Variants in ANK2 observed in about 807,000 individuals in gnomAD.
The protein encoded by ANK2 is ankyrin-2.
Under a neutral mutation model 360.5 loss-of-function variants are expected in ANK2, and 83 were observed. The observed-to-expected ratio is 0.23, with a 90% CI of 0.19 to 0.28. The LOEUF (loss-of-function observed/expected upper bound fraction) is 0.28. ANK2 is among the 10% of genes least tolerant of loss of function. The pLI, the probability that ANK2 is intolerant of heterozygous loss-of-function variation, is 1.00. For missense variants in ANK2, 4,201 were observed against 4,795.7 expected (o/e 0.88, Z 3.66); for synonymous variants, 1,740 against 1,759.5 (o/e 0.99, Z 0.28).
chr4:112,754,874 A>G, the ANK2 span, among the ~76,000 whole-genome samples: 1 of 152,330 alleles, frequency 6.6e-6, no homozygotes, highest in South Asian at 2.1e-4. Flanking sequence ...CTAACCTAGT[A>G]ACGGTGGTCA....
intron 2 of ANK2, among the ~76,000 whole-genome samples, chr4:112,910,606 A>AT (rs2086800474): frequency 6.6e-6 from 1 of 152,154 alleles, no homozygotes; most frequent in Non-Finnish European, 1.5e-5. Context: ...CACCCAGCTT[A>AT]TTTTTTTGGC....
In ANK2 at chr4:113,134,281, C is replaced by CTT. The variant is rs5861124; in HGVS notation, c.85-40112_85-40111dup. On this transcript the variant is annotated intron_variant, in intron 1 of 45. Transcript: ENST00000357077. Reference sequence around the variant, plus strand: ...AGCTCTAAAATTTCCTGAAAGTTGTCTTTTTTTTTTTTTTTTTTTTTTTTC... The same window carrying CTT: ...AGCTCTAAAATTTCCTGAAAGTTGTCTTTTTTTTTTTTTTTTTTTTTTTTTTC... Among the ~76,000 whole-genome samples, 93 of 86,052 alleles carry CTT rather than the reference C, an allele frequency of 1.1e-3. 1 individual carries two copies. Among genetic ancestry groups the CTT allele is most frequent in the African/African-American group, 1.9e-3 (42 of 22,190 alleles). The allele number at this position is 86,052 out of a possible 152,430, so 56.5% of individuals were successfully genotyped here. A position where few individuals can be genotyped will look rare whatever the true frequency, so the allele number is the denominator to read the frequency against.
At chr4:112,923,016 T>TTCAAGG (rs2091887121) in intron 2 of ANK2, among the ~76,000 whole-genome samples, 18 of 152,200 alleles carry the variant, frequency 1.2e-4, no homozygotes, top group Admixed American at 1.2e-3. Context: ...GAATTTATTA[T>TTCAAGG]TAGACGTGTA....
the ANK2 span, among the ~76,000 whole-genome samples, chr4:112,791,843 A>C: frequency 1.3e-5 from 2 of 151,954 alleles, no homozygotes; most frequent in African/African-American, 2.4e-5. Flanking sequence ...AGAAGTAAAA[A>C]TATTAAAATC....
rs117835046 is a variant in ANK2 at position 113,323,169 on chromosome 4, A to G, written c.2900+4549A>G. Among the ~76,000 whole-genome samples the G allele has an allele frequency of 2.4e-3, 370 of 152,234 alleles. 6 individuals are homozygous for G. The highest frequency in any genetic ancestry group is 0.02 in the East Asian group (103 of 5,166). Reference sequence around the variant, plus strand: ...ATTATGACCACTGAGGAAGACAGCAATCTCCAAAGCAGGAAATGAAGTATT... The same window carrying G: ...ATTATGACCACTGAGGAAGACAGCAGTCTCCAAAGCAGGAAATGAAGTATT... On this transcript the variant is annotated intron_variant, in intron 26 of 45. Coordinates refer to ENST00000357077, the MANE Select transcript of ANK2 (RefSeq NM_001148.6).
intron 1 of ANK2, among the ~76,000 whole-genome samples, chr4:113,053,452 G>A (rs1452021755): frequency 6.6e-6 from 1 of 152,156 alleles, no homozygotes; most frequent in African/African-American, 2.4e-5. Flanking sequence ...ATGTTCTAGT[G>A]GTGGTTCAGT....
intron 1 of ANK2, among the ~76,000 whole-genome samples, chr4:113,142,072 C>T (rs1471982473): frequency 1.3e-5 from 2 of 152,174 alleles, no homozygotes; most frequent in African/African-American, 2.4e-5. Context: ...GCCCTAATGA[C>T]TTTGAAGCAT....
chr4:112,942,584 C>G (rs1362499559), intron 2 of ANK2, among the ~76,000 whole-genome samples: 2 of 151,218 alleles, frequency 1.3e-5, no homozygotes, highest in Non-Finnish European at 2.9e-5. Context: ...ATGACCAAAG[C>G]AATACTATAT....
At chr4:113,107,099 A>G in intron 1 of ANK2, 2 of 299,658 alleles carry the variant, frequency 6.7e-6, no homozygotes, top group Non-Finnish European at 1.3e-5. Context: ...TTGATAATGA[A>G]GCCCATTAAC....
At chr4:113,362,420 G>T (rs896730915) in intron 39 of ANK2, among the ~76,000 whole-genome samples, 1 of 152,076 alleles carries the variant, frequency 6.6e-6, no homozygotes, top group Middle Eastern at 3.4e-3. Flanking sequence ...ATATGTAATG[G>T]TTTTTTGTTT....
intron 1 of ANK2, among the ~76,000 whole-genome samples, chr4:112,864,774 T>A (rs1164935092): frequency 6.6e-6 from 1 of 151,352 alleles, no homozygotes; most frequent in Non-Finnish European, 1.5e-5. Context: ...GGCTCAAGCC[T>A]GTAATACTAG....
At chr4:113,224,876 G>GTTTT (rs11325379) in intron 4 of ANK2, among the ~76,000 whole-genome samples, 1 of 133,244 alleles carries the variant, frequency 7.5e-6, no homozygotes, top group Non-Finnish European at 1.6e-5. Flanking sequence ...GATCTTTGAA[G>GTTTT]TTTTTTTTTT....
intron 1 of ANK2, among the ~76,000 whole-genome samples, chr4:113,116,104 C>A (rs2094741844): frequency 6.6e-6 from 1 of 152,120 alleles, no homozygotes; most frequent in African/African-American, 2.4e-5. Flanking sequence ...GAGTTAACAG[C>A]TTGTATCCTC....
chr4:112,731,614 C>T, the ANK2 span, among the ~76,000 whole-genome samples: 1 of 151,256 alleles, frequency 6.6e-6, no homozygotes, highest in African/African-American at 2.4e-5. Context: ...CCTGTAGTCC[C>T]CAGCTATTTC....
At chr4:113,124,493 G>A (rs1042994185) in intron 1 of ANK2, among the ~76,000 whole-genome samples, 1 of 152,032 alleles carries the variant, frequency 6.6e-6, no homozygotes, top group Non-Finnish European at 1.5e-5. Context: ...TGTTTGGTTG[G>A]TTGGTCAGTT....
intron 1 of ANK2, among the ~76,000 whole-genome samples, chr4:113,107,747 A>T (rs2093811450): frequency 3.3e-5 from 5 of 152,100 alleles, no homozygotes; most frequent in Admixed American, 2.6e-4. Flanking sequence ...TCATTTATTG[A>T]TCTGTTACCA....
intron 27 of ANK2, 57 bp from the exon 28 acceptor site, chr4:113,331,915 A>T: frequency 1.3e-6 from 2 of 1,493,448 alleles, no homozygotes; most frequent in Non-Finnish European, 1.9e-6. Context: ...TCTGTGGAAG[A>T]CAATACCTGA....
rs1218471695 is a variant in ANK2 at position 113,354,547 on chromosome 4, C to T, written c.5929C>T (p.Pro1977Ser). ...AACAGAAAAGCAACCACCTGTATCC[C>T]CCACTTCAAAAACAGAGAGGATTGA... ...GKTEKQPPVSPTSKTERIEET... is the reference protein window; with the variant it reads ...GKTEKQPPVSSTSKTERIEET... The change falls in exon 38 of 46, where the codon CCC becomes TCC. Residue 1977 changes from proline (P) to serine (S), a missense_variant. Coordinates refer to ENST00000357077, the MANE Select transcript of ANK2 (RefSeq NM_001148.6). 1.2e-6 allele frequency: 2 copies of T among 1,614,072 alleles called. No homozygotes were observed. Among genetic ancestry groups the T allele is most frequent in the Admixed American group, 1.7e-5 (1 of 60,018 alleles).
intron 2 of ANK2, among the ~76,000 whole-genome samples, chr4:112,950,896 A>C (rs2094918832): frequency 1.3e-5 from 2 of 150,260 alleles, no homozygotes; most frequent in South Asian, 2.1e-4. Context: ...TCCCGGCTAA[A>C]ACGGTGAAAC....
Sources: allele counts gnomAD v4.1 joint callset (sites outside exome capture counted in the v4.1 genomes callset), GRCh38; gene constraint gnomAD v4.1.1; transcripts MANE v1.5; gene names NCBI Gene and HGNC (gene_info 2026-07-23, HGNC 2026-07-21).